Variants in BRWD1 observed in about 807,000 individuals in gnomAD.
BRWD1 encodes bromodomain and WD repeat-containing protein 1.
In BRWD1, 82 loss-of-function variants were observed where a neutral mutation model predicts 251.2. The ratio of observed to expected loss-of-function variants is 0.33; its 90% CI spans 0.27 to 0.39. The LOEUF is 0.39. BRWD1 is among the 10% of genes least tolerant of loss of function. BRWD1 has a pLI of 1.00. For missense variants in BRWD1, 2,233 were observed against 2,711.6 expected (o/e 0.82, Z 3.92); for synonymous variants, 918 against 902.8 (o/e 1.02, Z -0.30).
rs61740760 is a variant in BRWD1, at chr21:39,269,932, T to G, written c.1497A>C (p.Thr499=). Residue 499 remains threonine, a synonymous_variant, in exon 15 of 41, where the codon ACA becomes ACC. Transcript: ENST00000342449. The part of the protein sequence containing the change: ...HDGSIFIWDI[T]KGTKMKHYFN... ...AATAATGTTTCATCTTGGTACCTTT[T>G]GTAATATCCCATATAAATATGCTGC... The G allele has an allele frequency of 0.027, 42,779 of 1,556,372 alleles. 732 individuals carry two copies. Among genetic ancestry groups the G allele is most frequent in the Non-Finnish European group, 0.032 (36,642 of 1,149,978 alleles).
At chr21:39,247,272 A>T (rs2034227082) in intron 21 of BRWD1, among the ~76,000 whole-genome samples, 1 of 152,210 alleles carries the variant, frequency 6.6e-6, no homozygotes, top group Non-Finnish European at 1.5e-5. Flanking sequence ...AACTCTGTCA[A>T]TATACTACAG....
chr21:39,248,641 CAAAAAAAAAAAAAAAAAAAAAAAA>C (rs375430016), intron 20 of BRWD1, among the ~76,000 whole-genome samples: 5 of 83,282 alleles, frequency 6.0e-5, no homozygotes, highest in East Asian at 4.0e-4. Context: ...CCCTATCTCC[CAAAAAAAAAAAAAAAAAAAAAAAA>C]AAAAAAAAAA....
chr21:39,247,631 C>T, intron 21 of BRWD1, 70 bp downstream of exon 21: 1 of 1,437,334 alleles, frequency 7.0e-7, no homozygotes, highest in Non-Finnish European at 9.4e-7. Context: ...GGGGTATATT[C>T]ATTCAAAGTA....
rs766559976 is a variant in BRWD1, at chr21:39,206,155, C to T, written c.4317G>A (p.Lys1439=). 1.2e-6 allele frequency: 2 copies of T among 1,613,716 alleles called. No homozygotes were observed. Among genetic ancestry groups the T allele is most frequent in the Admixed American group, 1.7e-5 (1 of 59,974 alleles). ...NEKLRRSQRF[K]QRQNCKGDSQ... Reference sequence around the variant, plus strand: ...TGTCACCTTTACAATTTTGCCGTTGCTTGAACCTCTGGCTTCTTCGAAGTT... The same window carrying T: ...TGTCACCTTTACAATTTTGCCGTTGTTTGAACCTCTGGCTTCTTCGAAGTT... Residue 1439 remains lysine (K), a synonymous_variant, in exon 37 of 41, where the codon AAG becomes AAA. Coordinates refer to ENST00000342449, the MANE Select transcript of BRWD1 (RefSeq NM_033656.4).
intron 7 of BRWD1, 58 bp downstream of exon 7, chr21:39,295,685 C>T (rs1421112488): frequency 7.6e-7 from 1 of 1,310,614 alleles, no homozygotes; most frequent in Non-Finnish European, 1.0e-6. Flanking sequence ...CTAGATGATT[C>T]TGAAGCACAC....
At chr21:39,295,596 A>G (rs2035941510) in intron 7 of BRWD1, 147 bp downstream of exon 7, 1 of 512,228 alleles carries the variant, frequency 2.0e-6, no homozygotes, top group Non-Finnish European at 3.2e-6. Flanking sequence ...AGCACTTATT[A>G]AAAATACAAA....
At chr21:39,215,569 G>T (rs1333880992) in intron 31 of BRWD1, among the ~76,000 whole-genome samples, 2 of 152,098 alleles carry the variant, frequency 1.3e-5, no homozygotes, top group Admixed American at 1.3e-4. Context: ...AACTGAAGAG[G>T]ACAAAAATCT....
chr21:39,187,152 T>C lies in BRWD1; in HGVS notation c.*9107A>G, dbSNP rs1463280634. 1.2e-5 allele frequency: 19 copies of C among 1,613,834 alleles called. No homozygotes were observed. The East Asian group carries it at 4.0e-4, about 34-fold the overall frequency. On this transcript the variant is annotated 3_prime_UTR_variant, in exon 41 of 41. Coordinates refer to ENST00000342449, the MANE Select transcript of BRWD1 (RefSeq NM_033656.4). The stretch of plus-strand genomic sequence containing the variant: ...CATCCTCTTTATAAACATTCAGTAA[T>C]TTTTTCTTAGCCGCAGCAGAAGCAT...
intron 22 of BRWD1, among the ~76,000 whole-genome samples, chr21:39,237,163 C>A (rs376169106): frequency 6.6e-6 from 1 of 152,086 alleles, no homozygotes; most frequent in African/African-American, 2.4e-5. Flanking sequence ...CCACCACTAC[C>A]CCCATGTTGG....
chr21:39,187,086 A>ATCT lies in BRWD1; in HGVS notation c.*9170_*9172dup. 1 of 1,596,752 alleles carries ATCT rather than the reference A, an allele frequency of 6.3e-7. No homozygotes were observed. The highest frequency in any genetic ancestry group is 8.5e-7 in the Non-Finnish European group (1 of 1,175,598). On this transcript the variant is annotated 3_prime_UTR_variant, in exon 41 of 41. Transcript: ENST00000342449. Reference sequence around the variant, plus strand: ...TTAAAAAAAGCATTTTTCTATTAATATCTTCTAGCTCTTTTTCACTTTCAG... The same window carrying ATCT: ...TTAAAAAAAGCATTTTTCTATTAATATCTTCTTCTAGCTCTTTTTCACTTTCAG...
chr21:39,186,653 A>G lies in BRWD1; in HGVS notation c.*9606T>C, dbSNP rs536572578. 119 of 154,806 alleles carry G rather than the reference A, an allele frequency of 7.7e-4. No homozygotes were observed. The highest frequency in any genetic ancestry group is 2.7e-3 in the African/African-American group (110 of 40,526). 9.6% of individuals were successfully genotyped at this position (154,806 alleles called of 1,614,324 possible). ...ATGGAGAACCCTGAAAATTAGCATC[A>G]GGTTAAGATTTTGAAATTTGTTCAC... On this transcript the variant is annotated 3_prime_UTR_variant, in exon 41 of 41. Transcript: ENST00000342449.
At chr21:39,251,571 G>GT (rs560993569) in intron 19 of BRWD1, among the ~76,000 whole-genome samples, 187 of 152,308 alleles carry the variant, frequency 1.2e-3, no homozygotes, top group African/African-American at 4.2e-3. Context: ...TCAACAGAGT[G>GT]TAAGAGTAAA....
rs2032717846 is a variant in BRWD1, at chr21:39,212,771, TAA to T, written c.3859-66_3859-65del. 18 of 1,162,554 alleles carry T rather than the reference TAA, an allele frequency of 1.5e-5. No homozygotes were observed. In the Admixed American group the frequency reaches 3.8e-4, roughly 25 times the overall value. 72.0% of individuals were successfully genotyped at this position (1,162,554 alleles called of 1,614,324 possible). A position where few individuals can be genotyped will look rare whatever the true frequency, so the allele number is the denominator to read the frequency against. The stretch of plus-strand genomic sequence containing the variant: ...TCATTAGAAAATAATAACATAATCT[TAA>T]TAAATAACATATCAAAGACATTTGG... On this transcript the variant is annotated intron_variant, in intron 33 of 40. Transcript: ENST00000342449.
rs138399629 is a variant in BRWD1, at chr21:39,189,529, T to G, written c.*6730A>C. Reference sequence around the variant, plus strand: ...GTTTTTAAAAAATACTTAAGGAAATTTGAACTTCAGTAACTATGCCCAAGG... The same window carrying G: ...GTTTTTAAAAAATACTTAAGGAAATGTGAACTTCAGTAACTATGCCCAAGG... On this transcript the variant is annotated 3_prime_UTR_variant, in exon 41 of 41. Coordinates refer to ENST00000342449, the MANE Select transcript of BRWD1 (RefSeq NM_033656.4). The G allele has an allele frequency of 2.0e-6, 2 of 982,784 alleles. No individual in the cohort carries two copies. The highest frequency in any genetic ancestry group is 3.5e-5 in the African/African-American group (2 of 57,160). The allele number at this position is 982,784 out of a possible 1,614,324, so 60.9% of individuals were successfully genotyped here.
intron 36 of BRWD1, among the ~76,000 whole-genome samples, chr21:39,208,277 T>A (rs1019033137): frequency 1.3e-5 from 2 of 152,082 alleles, no homozygotes; most frequent in African/African-American, 4.8e-5. Context: ...ATTTTGTCGC[T>A]GAAAAAAAAC....
intron 10 of BRWD1, chr21:39,278,367 T>A: frequency 5.7e-6 from 1 of 174,850 alleles, no homozygotes. Context: ...TGAAAAAGAA[T>A]AATTTCATCA....
intron 35 of BRWD1, 25 bp downstream of exon 35, chr21:39,210,761 A>C (rs2032621215): frequency 1.3e-6 from 2 of 1,577,858 alleles, no homozygotes; most frequent in Non-Finnish European, 1.7e-6. Context: ...GAAAAGCCCC[A>C]AACATTTAAA....
At chr21:39,298,822 C>T (rs2036028502) in intron 4 of BRWD1, among the ~76,000 whole-genome samples, 2 of 151,898 alleles carry the variant, frequency 1.3e-5, no homozygotes, top group African/African-American at 4.8e-5. Context: ...CAATTTTGTT[C>T]TAAAATTTAT....
In BRWD1 at chr21:39,196,437, G is replaced by A. The variant is rs2031817628; in HGVS notation, c.6632C>T (p.Pro2211Leu). The change falls in exon 41 of 41, where the codon CCT (proline) becomes CTT (leucine). Residue 2211 changes from proline (P) to leucine (L), a missense_variant. Transcript: ENST00000342449. ...GTCATTATCATCCACACTTAACCTA[G>A]GGCGTTTGCTTTGTCTTTGACGTCT... ...TVRRQRQSKRPRLSVDDNDWE... is the reference protein window; with the variant it reads ...TVRRQRQSKRLRLSVDDNDWE... 2 of 1,613,456 alleles carry A rather than the reference G, an allele frequency of 1.2e-6. No individual in the cohort carries two copies. Among genetic ancestry groups the A allele is most frequent in the South Asian group, 1.1e-5 (1 of 91,026 alleles).
Sources: allele counts gnomAD v4.1 joint callset (sites outside exome capture counted in the v4.1 genomes callset), GRCh38; gene constraint gnomAD v4.1.1; transcripts MANE v1.5; gene names NCBI Gene and HGNC (gene_info 2026-07-23, HGNC 2026-07-21).